The following MTDH variants were observed in gnomAD, a reference collection of about 807,000 sequenced individuals.
MTDH encodes the protein metadherin, also known as protein LYRIC.
MTDH carries 34 observed loss-of-function variants against 72.7 expected under a neutral mutation model. That is an observed-to-expected ratio of 0.47 (90% confidence interval 0.36 to 0.62). The LOEUF (loss-of-function observed/expected upper bound fraction) is 0.62, where lower values mean the gene tolerates loss of function less well. MTDH is among the 20% of genes least tolerant of loss of function. The pLI is 0.00. For synonymous variants in MTDH, 266 were observed against 268.9 expected (o/e 0.99, Z 0.10); for missense variants, 677 against 699.4 (o/e 0.97, Z 0.36).
At chr8:97,723,557 C>G (rs1478904019) in intron 11 of MTDH, among the ~76,000 whole-genome samples, 2 of 149,606 alleles carry the variant, frequency 1.3e-5, no homozygotes, top group Admixed American at 1.3e-4. Flanking sequence ...TCCTGGCTAA[C>G]ATGGTGAAAC....
intron 2 of MTDH, among the ~76,000 whole-genome samples, chr8:97,665,169 C>A (rs1409937820): frequency 1.3e-5 from 2 of 152,108 alleles, no homozygotes; most frequent in Non-Finnish European, 2.9e-5. Flanking sequence ...TTGAGAAGTA[C>A]AATTTTTGTC....
At chr8:97,664,602 T>C (rs1371444782) in intron 2 of MTDH, among the ~76,000 whole-genome samples, 3 of 152,204 alleles carry the variant, frequency 2.0e-5, no homozygotes, top group Non-Finnish European at 4.4e-5. Flanking sequence ...TGCTTTTTAA[T>C]GTGGTCAGGT....
chr8:97,719,055 G>A lies in MTDH; in HGVS notation c.1387G>A (p.Glu463Lys). ...AGGTTATTTTTCTCTATAGGACACAGAAGAATTAGAAAAAGAGATTAGAGA... is the reference window on the plus strand; with the variant it reads ...AGGTTATTTTTCTCTATAGGACACAAAAGAATTAGAAAAAGAGATTAGAGA... ...GEDNSTAQDT[E>K]ELEKEIREDL... Residue 463 changes from glutamate to lysine, a missense_variant, in exon 10 of 12, where the codon GAA becomes AAA. Glu to Lys is a moderately conservative substitution (Grantham distance 56). Transcript: ENST00000336273. The A allele has an allele frequency of 1.2e-6, 2 of 1,601,724 alleles. No homozygotes were observed. The highest frequency in any genetic ancestry group is 8.5e-7 in the Non-Finnish European group (1 of 1,174,626).
At chr8:97,702,984 A>G (rs1045174727) in intron 7 of MTDH, among the ~76,000 whole-genome samples, 3 of 152,264 alleles carry the variant, frequency 2.0e-5, no homozygotes, top group Non-Finnish European at 4.4e-5. Context: ...ATAAGAAATT[A>G]TAATTGAAGC....
intron 2 of MTDH, among the ~76,000 whole-genome samples, chr8:97,684,059 C>G (rs1813254024): frequency 6.6e-6 from 1 of 151,722 alleles, no homozygotes; most frequent in African/African-American, 2.4e-5. Context: ...ATCGCTTGAA[C>G]CCAGGCGGCA....
intron 1 of MTDH, among the ~76,000 whole-genome samples, chr8:97,653,283 C>T (rs549205304): frequency 1.1e-4 from 17 of 152,244 alleles, no homozygotes; most frequent in Admixed American, 1.0e-3. Flanking sequence ...AAACAATATC[C>T]TAATTTCTAG....
chr8:97,706,767 C>G lies in MTDH; in HGVS notation c.1272+17C>G. The G allele has an allele frequency of 6.2e-7, 1 of 1,606,888 alleles. No homozygotes were observed. The highest frequency in any genetic ancestry group is 1.1e-5 in the South Asian group (1 of 90,040). On this transcript the variant is annotated intron_variant, in intron 8 of 11. Coordinates refer to ENST00000336273, the MANE Select transcript of MTDH (RefSeq NM_178812.4). ...GATCAAAAGGTGAGTATAAGAGATT[C>G]CTGGGTGTTTATTTGTTAATGAAAG...
At chr8:97,673,475 A>T (rs964405963) in intron 2 of MTDH, among the ~76,000 whole-genome samples, 1 of 152,140 alleles carries the variant, frequency 6.6e-6, no homozygotes, top group African/African-American at 2.4e-5. Context: ...CCTGGCCAAT[A>T]TGGTGAAACC....
intron 2 of MTDH, among the ~76,000 whole-genome samples, chr8:97,678,688 C>T (rs1410175837): frequency 2.0e-5 from 3 of 149,076 alleles, no homozygotes; most frequent in African/African-American, 7.4e-5. Context: ...ATCCTCCCAC[C>T]TCAGCCTCCC....
chr8:97,707,160 T>C lies in MTDH; in HGVS notation c.1272+410T>C, dbSNP rs189632343. Among the ~76,000 whole-genome samples, 10 of 151,386 alleles carry C rather than the reference T, an allele frequency of 6.6e-5. No homozygotes were observed. The East Asian group carries it at 1.5e-3, about 23-fold the overall frequency. The stretch of plus-strand genomic sequence containing the variant: ...GTCAGCAGTCTTTTTTTCTTTTTTT[T>C]TTTTTTTCGGAGACAGATTCTTGTT... On this transcript the variant is annotated intron_variant, in intron 8 of 11. Coordinates refer to ENST00000336273, the MANE Select transcript of MTDH (RefSeq NM_178812.4).
At chr8:97,708,367 C>T (rs541968601) in intron 8 of MTDH, among the ~76,000 whole-genome samples, 1 of 144,734 alleles carries the variant, frequency 6.9e-6, no homozygotes, top group East Asian at 2.0e-4. Context: ...CTGCAACCTC[C>T]CCCTCCCAGG....
At chr8:97,711,563 G>A (rs1191688690) in intron 8 of MTDH, among the ~76,000 whole-genome samples, 1 of 151,930 alleles carries the variant, frequency 6.6e-6, no homozygotes, top group Non-Finnish European at 1.5e-5. Context: ...TTCCCCAGTG[G>A]TAACATGTTA....
intron 8 of MTDH, among the ~76,000 whole-genome samples, chr8:97,707,082 T>C (rs1353120722): frequency 6.6e-6 from 1 of 151,710 alleles, no homozygotes; most frequent in Non-Finnish European, 1.5e-5. Context: ...TCAGGAATGG[T>C]TTTGCTAGGG....
chr8:97,691,013 A>G lies in MTDH; in HGVS notation c.873A>G (p.Val291=), dbSNP rs1354799278. 1 of 1,614,068 alleles carries G rather than the reference A, an allele frequency of 6.2e-7. No individual in the cohort carries two copies. The highest frequency in any genetic ancestry group is 1.7e-5 in the Admixed American group (1 of 60,002). The change falls in exon 6 of 12, where the codon GTA becomes GTG. Residue 291 remains valine, a synonymous_variant. Coordinates refer to ENST00000336273, the MANE Select transcript of MTDH (RefSeq NM_178812.4). ...GAGGAGGCTGGAATGAAAAGTCTGT[A>G]AAACTCTCCTCACAGATCAGTGCAG... ...VNGGGWNEKS[V]KLSSQISAGE...
intron 11 of MTDH, among the ~76,000 whole-genome samples, chr8:97,723,411 T>A (rs1335071564): frequency 7.4e-6 from 1 of 134,616 alleles, no homozygotes; most frequent in African/African-American, 2.8e-5. Context: ...AAAAAAAACG[T>A]CTAATGGATT....
rs553255457 is a variant in MTDH, at chr8:97,692,749, A to G, written c.1048+1561A>G. On this transcript the variant is annotated intron_variant, in intron 6 of 11. Coordinates refer to ENST00000336273, the MANE Select transcript of MTDH (RefSeq NM_178812.4). Reference sequence around the variant, plus strand: ...TGGGATTTTTTTGTTGTGGTTTTTAAGATGGGGTCTCTCTCTGTTACCCAG... The same window carrying G: ...TGGGATTTTTTTGTTGTGGTTTTTAGGATGGGGTCTCTCTCTGTTACCCAG... Among the ~76,000 whole-genome samples, 3 of 151,468 alleles carry G rather than the reference A, an allele frequency of 2.0e-5. No individual in the cohort carries two copies. The South Asian group carries it at 6.3e-4, about 32-fold the overall frequency.
chr8:97,698,045 A>G (rs959170653), intron 6 of MTDH, among the ~76,000 whole-genome samples: 3 of 152,220 alleles, frequency 2.0e-5, no homozygotes, highest in African/African-American at 7.2e-5. Context: ...TTAAACATAC[A>G]TATAGAGAGA....
intron 8 of MTDH, among the ~76,000 whole-genome samples, chr8:97,711,625 C>G (rs1227141992): frequency 6.6e-6 from 1 of 152,174 alleles, no homozygotes; most frequent in Non-Finnish European, 1.5e-5. Flanking sequence ...CCGCTCCCCA[C>G]CTCCACTTAT....
intron 7 of MTDH, among the ~76,000 whole-genome samples, chr8:97,705,381 C>G (rs1322569809): frequency 6.6e-6 from 1 of 151,708 alleles, no homozygotes; most frequent in African/African-American, 2.4e-5. Flanking sequence ...TCAGGCAGAT[C>G]ACGAGATCAA....
Sources: allele counts gnomAD v4.1 joint callset (sites outside exome capture counted in the v4.1 genomes callset), GRCh38; gene constraint gnomAD v4.1.1; transcripts MANE v1.5; gene names NCBI Gene and HGNC (gene_info 2026-07-23, HGNC 2026-07-21).